Variants in HS2ST1 observed in about 807,000 individuals in gnomAD.
HS2ST1 encodes the protein 2-O-sulfotransferase.
HS2ST1 carries 18 observed loss-of-function variants against 42.9 expected under a neutral mutation model. That is an observed-to-expected ratio of 0.42 (90% CI 0.29 to 0.62). The LOEUF (loss-of-function observed/expected upper bound fraction) is 0.62. Among genes scored for constraint, HS2ST1 ranks in the 20% least tolerant of loss-of-function variants. HS2ST1 has a pLI of 0.21. For missense variants in HS2ST1, 334 were observed against 433.8 expected (o/e 0.77, Z 2.04); for synonymous variants, 146 against 152.9 (o/e 0.95, Z 0.33).
chr1:86,983,795 C>T lies in HS2ST1; in HGVS notation c.124+68635C>T, dbSNP rs1252667500. On this transcript the variant is annotated intron_variant, in intron 1 of 6. Coordinates refer to ENST00000370550, the MANE Select transcript of HS2ST1 (RefSeq NM_012262.4). Reference sequence around the variant, plus strand: ...CGGTGGCTCACGCCTGTAATCCCAGCCCTTTGGGAGGCCGAGGCGGGTGGA... The same window carrying T: ...CGGTGGCTCACGCCTGTAATCCCAGTCCTTTGGGAGGCCGAGGCGGGTGGA... Among the ~76,000 whole-genome samples, 8 of 152,084 alleles carry T rather than the reference C, an allele frequency of 5.3e-5. No homozygotes were observed. The East Asian group carries it at 1.2e-3, about 22-fold the overall frequency.
intron 1 of HS2ST1, among the ~76,000 whole-genome samples, chr1:86,921,973 CTT>C (rs1660309478): frequency 6.6e-6 from 1 of 152,114 alleles, no homozygotes; most frequent in Non-Finnish European, 1.5e-5. Flanking sequence ...TTCACAATCT[CTT>C]TTGTTAATGG....
intron 3 of HS2ST1, among the ~76,000 whole-genome samples, chr1:87,084,748 T>A (rs1030801035): frequency 2.6e-5 from 4 of 152,022 alleles, no homozygotes; most frequent in Admixed American, 6.6e-5. Context: ...GAGGCTTTTT[T>A]AAAAAAAATT....
At chr1:87,039,911 A>G (rs1012492549) in intron 1 of HS2ST1, among the ~76,000 whole-genome samples, 2 of 152,184 alleles carry the variant, frequency 1.3e-5, no homozygotes, top group Non-Finnish European at 2.9e-5. Context: ...GACAGTATTC[A>G]ATGCAAGTAG....
intron 1 of HS2ST1, among the ~76,000 whole-genome samples, chr1:86,936,107 C>G (rs1660648939): frequency 6.6e-6 from 1 of 152,104 alleles, no homozygotes; most frequent in African/African-American, 2.4e-5. Context: ...CTCTTTGCCT[C>G]CTTCCCTGCC....
At chr1:86,965,523 C>T (rs6665326) in intron 1 of HS2ST1, among the ~76,000 whole-genome samples, 3,588 of 151,996 alleles carry the variant, frequency 0.024, 74 homozygotes, top group African/African-American at 0.049. Flanking sequence ...TTGGATAAAC[C>T]AGTGGTTCTC....
chr1:87,001,957 G>T (rs561386199), intron 1 of HS2ST1, among the ~76,000 whole-genome samples: 1 of 150,448 alleles, frequency 6.6e-6, no homozygotes, highest in Non-Finnish European at 1.5e-5. Context: ...GTGTTGCCCA[G>T]GCTGTAGTGC....
chr1:86,967,194 C>T (rs1019386173), intron 1 of HS2ST1, among the ~76,000 whole-genome samples: 16 of 152,230 alleles, frequency 1.1e-4, no homozygotes, highest in Non-Finnish European at 1.6e-4. Context: ...CCATGCCCGG[C>T]TTATTTAGTC....
chr1:86,939,398 A>G lies in HS2ST1; in HGVS notation c.124+24238A>G, dbSNP rs754756204. Among the ~76,000 whole-genome samples, 112 of 152,322 alleles carry G rather than the reference A, an allele frequency of 7.4e-4. 1 individual carries two copies. Among genetic ancestry groups the G allele is most frequent in the African/African-American group, 1.3e-3 (52 of 41,572 alleles). On this transcript the variant is annotated intron_variant, in intron 1 of 6. Transcript: ENST00000370550. ...AAATTAATTTGAGCTGAAGTGTGTCAGGATTACTTAGCAAAAAATTACTGT... is the reference window on the plus strand; with the variant it reads ...AAATTAATTTGAGCTGAAGTGTGTCGGGATTACTTAGCAAAAAATTACTGT...
At chr1:87,081,085 A>T (rs1266877113) in intron 2 of HS2ST1, among the ~76,000 whole-genome samples, 4 of 152,206 alleles carry the variant, frequency 2.6e-5, no homozygotes, top group Admixed American at 6.5e-5. Flanking sequence ...AGCTAAAGAG[A>T]TAGATAGACC....
At chr1:86,973,926 T>C (rs1292943672) in intron 1 of HS2ST1, among the ~76,000 whole-genome samples, 1 of 152,164 alleles carries the variant, frequency 6.6e-6, no homozygotes. Flanking sequence ...TTTAAGAGTT[T>C]AAGTCTATAG....
chr1:86,942,986 A>G (rs1660795544), intron 1 of HS2ST1, among the ~76,000 whole-genome samples: 1 of 152,100 alleles, frequency 6.6e-6, no homozygotes, highest in Non-Finnish European at 1.5e-5. Context: ...GCTTGCTTTA[A>G]GCTTTACCCT....
chr1:86,936,279 A>G lies in HS2ST1; in HGVS notation c.124+21119A>G, dbSNP rs117657979. ...GGTACTGATCATTGAATTTTTAGGG[A>G]TGTAATTTTCTCATTTGCTAAAAAT... On this transcript the variant is annotated intron_variant, in intron 1 of 6. Coordinates refer to ENST00000370550, the MANE Select transcript of HS2ST1 (RefSeq NM_012262.4). 3.0e-4 allele frequency among the ~76,000 whole-genome samples: 46 copies of G among 152,020 alleles called. No homozygotes were observed. The East Asian group carries it at 8.1e-3, about 27-fold the overall frequency.
At chr1:86,984,199 A>G (rs1319016426) in intron 1 of HS2ST1, among the ~76,000 whole-genome samples, 3 of 152,332 alleles carry the variant, frequency 2.0e-5, no homozygotes, top group Admixed American at 6.5e-5. Flanking sequence ...AATTTTTCCA[A>G]AGTCACAAAT....
At chr1:87,028,311 AG>A (rs1650139947) in intron 1 of HS2ST1, among the ~76,000 whole-genome samples, 1 of 152,272 alleles carries the variant, frequency 6.6e-6, no homozygotes, top group Non-Finnish European at 1.5e-5. Flanking sequence ...ACTCAGAGCC[AG>A]GGGAGAAGCC....
In HS2ST1 at chr1:87,108,406, CCTTTATG is replaced by C. The variant is rs1652382018; in HGVS notation, c.*3711_*3717del. The C allele has an allele frequency of 6.6e-6, 1 of 152,054 alleles. No homozygotes were observed. 9.4% of individuals were successfully genotyped at this position (152,054 alleles called of 1,614,324 possible). On this transcript the variant is annotated 3_prime_UTR_variant, in exon 7 of 7. Coordinates refer to ENST00000370550, the MANE Select transcript of HS2ST1 (RefSeq NM_012262.4). ...GCCTTTAAGAGGCCCAGGTGCTTCT[CCTTTATG>C]ATTTGAGTTGGCCTCTTCATAAATT...
intron 1 of HS2ST1, among the ~76,000 whole-genome samples, chr1:86,974,932 T>G (rs1302277514): frequency 6.6e-6 from 1 of 152,214 alleles, no homozygotes; most frequent in Non-Finnish European, 1.5e-5. Context: ...ATTGATTATC[T>G]ATGGAGTTTG....
chr1:87,077,458 T>C (rs764655208), intron 2 of HS2ST1, among the ~76,000 whole-genome samples: 5 of 152,202 alleles, frequency 3.3e-5, no homozygotes, highest in Non-Finnish European at 7.3e-5. Context: ...CTTCATGTTA[T>C]CCATTTAAGG....
intron 1 of HS2ST1, among the ~76,000 whole-genome samples, chr1:87,035,452 T>G (rs1004301926): frequency 1.3e-5 from 2 of 152,222 alleles, no homozygotes; most frequent in African/African-American, 2.4e-5. Context: ...CTTGGAGATA[T>G]CACATAGTTG....
intron 1 of HS2ST1, among the ~76,000 whole-genome samples, chr1:86,968,029 C>T (rs1164719020): frequency 6.6e-6 from 1 of 152,182 alleles, no homozygotes. Context: ...TGTTAATTTG[C>T]ATTTCCCTGA....
Sources: allele counts gnomAD v4.1 joint callset (sites outside exome capture counted in the v4.1 genomes callset), GRCh38; gene constraint gnomAD v4.1.1; transcripts MANE v1.5; gene names NCBI Gene and HGNC (gene_info 2026-07-23, HGNC 2026-07-21).